The following RIMBP2 variants were observed in gnomAD, a reference collection of about 807,000 sequenced individuals.
RIMBP2 encodes RIMS binding protein 2.
Under a neutral mutation model 118.6 loss-of-function variants are expected in RIMBP2, and 48 were observed. The ratio of observed to expected loss-of-function variants is 0.40; its 90% CI spans 0.32 to 0.51. The LOEUF (loss-of-function observed/expected upper bound fraction) is 0.51. Among genes scored for constraint, RIMBP2 ranks in the 20% least tolerant of loss-of-function variants. The pLI, the probability that RIMBP2 is intolerant of heterozygous loss-of-function variation, is 0.41. For missense variants in RIMBP2, 1,551 were observed against 1,768.3 expected (o/e 0.88, Z 2.20); for synonymous variants, 762 against 742.9 (o/e 1.03, Z -0.42).
chr12:130,646,080 TCAC>T (rs1284612030), intron 1 of RIMBP2, among the ~76,000 whole-genome samples: 1 of 135,936 alleles, frequency 7.4e-6, no homozygotes, highest in Admixed American at 7.6e-5. Context: ...TCCACCTCCC[TCAC>T]CACTTCCCTC....
At chr12:130,589,015 C>T (rs1487659713) in intron 2 of RIMBP2, among the ~76,000 whole-genome samples, 1 of 152,238 alleles carries the variant, frequency 6.6e-6, no homozygotes, top group East Asian at 1.9e-4. Context: ...GGACGTCAGC[C>T]TTCTGTCCTA....
chr12:130,413,903 G>A (rs552405114), intron 18 of RIMBP2, among the ~76,000 whole-genome samples: 2 of 152,270 alleles, frequency 1.3e-5, no homozygotes, highest in Admixed American at 1.3e-4. Flanking sequence ...GACATATTTG[G>A]GTGTGTTTGT....
At chr12:130,548,668 G>T (rs891793927) in intron 2 of RIMBP2, among the ~76,000 whole-genome samples, 4 of 152,020 alleles carry the variant, frequency 2.6e-5, no homozygotes, top group Non-Finnish European at 2.9e-5. Context: ...CCACCTCCCG[G>T]GTTCAAGCAA....
chr12:130,553,756 T>G (rs1241091214), intron 2 of RIMBP2, among the ~76,000 whole-genome samples: 1 of 152,148 alleles, frequency 6.6e-6, no homozygotes, highest in Non-Finnish European at 1.5e-5. Context: ...AAAAAATTAA[T>G]AGATTCATTA....
chr12:130,516,021 A>G (rs979228515), intron 3 of RIMBP2, among the ~76,000 whole-genome samples: 2 of 152,142 alleles, frequency 1.3e-5, no homozygotes, highest in East Asian at 1.9e-4. Context: ...TTATACCAGG[A>G]TTGGGATTGC....
intron 4 of RIMBP2, among the ~76,000 whole-genome samples, chr12:130,498,703 G>A (rs1434699081): frequency 6.6e-6 from 1 of 150,920 alleles, no homozygotes; most frequent in Admixed American, 6.6e-5. Context: ...CATGAGGAGA[G>A]AAATGTCTGG....
chr12:130,577,812 C>T (rs1442857530), intron 2 of RIMBP2, among the ~76,000 whole-genome samples: 1 of 152,156 alleles, frequency 6.6e-6, no homozygotes, highest in Non-Finnish European at 1.5e-5. Flanking sequence ...TTCAATCCCT[C>T]CCCACCCGCC....
chr12:130,534,761 G>A (rs531866694), intron 2 of RIMBP2, among the ~76,000 whole-genome samples: 1 of 152,324 alleles, frequency 6.6e-6, no homozygotes, highest in East Asian at 1.9e-4. Context: ...ACTTCCATGA[G>A]AGTCCAAACC....
chr12:130,613,535 G>A (rs1017357736), intron 2 of RIMBP2, among the ~76,000 whole-genome samples: 3 of 152,164 alleles, frequency 2.0e-5, no homozygotes, highest in East Asian at 1.9e-4. Flanking sequence ...ATTCAGTCTC[G>A]GCCGGGCACA....
At position 130,621,103 on chromosome 12, in the gene RIMBP2, C is replaced by A. The variant is rs1457583692; in HGVS notation, c.-217+7219G>T. 6.6e-6 allele frequency among the ~76,000 whole-genome samples: 1 copy of A among 152,114 alleles called. No individual in the cohort carries two copies. The highest frequency in any genetic ancestry group is 2.4e-5 in the African/African-American group (1 of 41,420). ...TAGTGAGGGTGGGTTCATTTTTTTA[C>A]CAGCACCCTGGGAGCTGGTCATTCC... On this transcript the variant is annotated intron_variant, in intron 2 of 22. Coordinates refer to ENST00000690449, the MANE Select transcript of RIMBP2 (RefSeq NM_001393629.1). The surrounding 1 kb of genome is among the most constrained non-coding windows in gnomAD (Gnocchi z 6.6).
intron 2 of RIMBP2, among the ~76,000 whole-genome samples, chr12:130,527,530 A>G (rs537141901): frequency 6.6e-6 from 1 of 152,364 alleles, no homozygotes; most frequent in East Asian, 1.9e-4. Context: ...AGACAAGCTC[A>G]AGTGGAAAAA....
intron 4 of RIMBP2, among the ~76,000 whole-genome samples, chr12:130,483,838 C>G (rs2082253913): frequency 6.9e-6 from 1 of 144,656 alleles, no homozygotes; most frequent in African/African-American, 2.6e-5. Flanking sequence ...CCGACCCTCA[C>G]CTACACACGG....
At chr12:130,661,068 T>C (rs1027639335) in intron 1 of RIMBP2, among the ~76,000 whole-genome samples, 1 of 152,170 alleles carries the variant, frequency 6.6e-6, no homozygotes, top group Non-Finnish European at 1.5e-5. Context: ...AAGTACATAA[T>C]ATCTCAGATT....
chr12:130,691,153 G>T (rs1268299395), intron 1 of RIMBP2, among the ~76,000 whole-genome samples: 1 of 152,194 alleles, frequency 6.6e-6, no homozygotes, highest in Admixed American at 6.5e-5. Flanking sequence ...AGGACCAGGG[G>T]CTCAAGCCTC....
rs2076641749 is a variant in RIMBP2 at position 130,424,524 on chromosome 12, C to T, written c.2747G>A (p.Ser916Asn). The T allele has an allele frequency of 3.2e-6, 4 of 1,231,896 alleles. No homozygotes were observed. Among genetic ancestry groups the T allele is most frequent in the East Asian group, 6.3e-5 (2 of 31,710 alleles). The allele number at this position is 1,231,896 out of a possible 1,614,324, so 76.3% of individuals were successfully genotyped here. A position where few individuals can be genotyped will look rare whatever the true frequency, so the allele number is the denominator to read the frequency against. ...GCRFSRSATR[S>N]PDSGLDCGSE... ...CCCACAGTCCAGGCCGCTGTCCGGG[C>T]TCCGGGTGGCCGAGCGGCTGAACCG... is the stretch of plus-strand genomic sequence containing the variant. Residue 916 changes from serine (S) to asparagine (N), a missense_variant, in exon 16 of 23, where the codon AGC becomes AAC. This residue lies in a region of RIMBP2 where 1,038 missense variants were observed against 1,125.1 expected (regional missense o/e 0.92). Transcript: ENST00000690449. This position sits in a 1 kb window ranked among gnomAD's most constrained non-coding sequence, Gnocchi z 9.8.
rs1215812535 is a variant in RIMBP2 at position 130,576,996 on chromosome 12, C to T, written c.-217+51326G>A. Among the ~76,000 whole-genome samples the T allele has an allele frequency of 6.6e-6, 1 of 152,200 alleles. No homozygotes were observed. The highest frequency in any genetic ancestry group is 1.5e-5 in the Non-Finnish European group (1 of 68,042). ...CAGAGGAGACAAAATGTCCCGGCTGCAGCCTGAGGTTTGCAAGGTCACCAT... is the reference window on the plus strand; with the variant it reads ...CAGAGGAGACAAAATGTCCCGGCTGTAGCCTGAGGTTTGCAAGGTCACCAT... On this transcript the variant is annotated intron_variant, in intron 2 of 22. Coordinates refer to ENST00000690449, the MANE Select transcript of RIMBP2 (RefSeq NM_001393629.1). This position sits in a 1 kb window ranked among gnomAD's most constrained non-coding sequence, Gnocchi z 4.2.
At chr12:130,457,491 G>A (rs925572699) in intron 6 of RIMBP2, among the ~76,000 whole-genome samples, 9 of 152,176 alleles carry the variant, frequency 5.9e-5, no homozygotes, top group African/African-American at 1.2e-4. Context: ...GCAAAGCCCC[G>A]CTCCCTGCTC....
intron 1 of RIMBP2, among the ~76,000 whole-genome samples, chr12:130,635,582 C>A (rs1191959685): frequency 1.3e-5 from 2 of 152,128 alleles, no homozygotes; most frequent in East Asian, 3.9e-4. Context: ...CAGGTCACTG[C>A]ACATCAGCAG....
chr12:130,658,280 C>T (rs1324070034), intron 1 of RIMBP2: 1 of 152,226 alleles, frequency 6.6e-6, no homozygotes, highest in Non-Finnish European at 1.5e-5. Context: ...CTAACACACA[C>T]CGCCTGTGCT....
Sources: allele counts gnomAD v4.1 joint callset (sites outside exome capture counted in the v4.1 genomes callset), GRCh38; gene constraint gnomAD v4.1.1; regional missense constraint gnomAD v4.1.1; non-coding constraint Gnocchi (gnomAD v3.1); transcripts MANE v1.5; gene names NCBI Gene and HGNC (gene_info 2026-07-23, HGNC 2026-07-21).